The following WDR35 variants were observed in gnomAD, a reference collection of about 807,000 sequenced individuals.
WDR35 encodes WD repeat-containing protein 35.
WDR35 carries 118 observed loss-of-function variants against 158.3 expected under a neutral mutation model. The observed-to-expected ratio is 0.75, with a 90% CI of 0.64 to 0.87. The LOEUF is 0.87. WDR35 is among the 40% of genes least tolerant of loss of function. WDR35 has a pLI of 0.00. For missense variants in WDR35, 1,263 were observed against 1,405.8 expected, an observed-to-expected ratio of 0.90 and a Z score of 1.62; for synonymous variants, 448 against 476.1, an observed-to-expected ratio of 0.94 and a Z score of 0.77.
rs573064702 is a variant in WDR35 at position 19,911,617 on chromosome 2, A to C, written c.*1941T>G. On this transcript the variant is annotated 3_prime_UTR_variant, in exon 27 of 27. Coordinates refer to ENST00000281405, the MANE Select transcript of WDR35 (RefSeq NM_020779.4). ...AGAAAGCTGGAATTCATTGTGTTAC[A>C]TTTAGGTAAGTAAGTTAGTAACCTA... The C allele has an allele frequency of 6.6e-6, 1 of 152,364 alleles. No individual in the cohort carries two copies. Among genetic ancestry groups the C allele is most frequent in the Non-Finnish European group, 1.5e-5 (1 of 68,032 alleles). 9.4% of individuals were successfully genotyped at this position (152,364 alleles called of 1,614,324 possible). A position where few individuals can be genotyped will look rare whatever the true frequency, so the allele number is the denominator to read the frequency against.
chr2:19,988,029 T>C (rs1572374196), intron 2 of WDR35, among the ~76,000 whole-genome samples: 2 of 152,120 alleles, frequency 1.3e-5, no homozygotes, highest in Non-Finnish European at 2.9e-5. Context: ...CTTTAATTGG[T>C]ACTCTTCTTT....
At chr2:19,974,423 A>G in intron 7 of WDR35, 45 bp downstream of exon 7, 1 of 1,509,978 alleles carries the variant, frequency 6.6e-7, no homozygotes, top group Non-Finnish European at 8.9e-7. Flanking sequence ...AGAAAAAAAA[A>G]AAAATAGAAA....
At position 19,946,517 on chromosome 2, in the gene WDR35, A is replaced by T; in HGVS notation, c.1578T>A (p.Ile526=). 9.3e-6 allele frequency: 15 copies of T among 1,613,728 alleles called. No homozygotes were observed. The highest frequency in any genetic ancestry group is 1.3e-5 in the Non-Finnish European group (15 of 1,179,752). Residue 526 remains isoleucine, a synonymous_variant, in exon 15 of 27, where the codon ATT becomes ATA. Coordinates refer to ENST00000281405, the MANE Select transcript of WDR35 (RefSeq NM_020779.4). The part of the protein sequence containing the change: ...QRYSLPNVGL[I]QKYSLNCRAY... ...CTCGACAATTAAGGGAATATTTTTG[A>T]ATCAAACCAACATTAGGTAGACTGT... is the stretch of plus-strand genomic sequence containing the variant.
chr2:19,932,621 T>A (rs1670560063), intron 22 of WDR35, among the ~76,000 whole-genome samples, 174 bp from the exon 23 acceptor site: 1 of 152,166 alleles, frequency 6.6e-6, no homozygotes, highest in Non-Finnish European at 1.5e-5. Flanking sequence ...TAAGCATAAG[T>A]CAAAATGATT....
At chr2:19,967,428 T>A (rs1671892915) in intron 9 of WDR35, among the ~76,000 whole-genome samples, 1 of 152,154 alleles carries the variant, frequency 6.6e-6, no homozygotes. Context: ...ATTTCCTCTC[T>A]CTAGAATGGT....
intron 10 of WDR35, among the ~76,000 whole-genome samples, chr2:19,962,894 A>G (rs1340857171): frequency 1.3e-5 from 2 of 152,186 alleles, no homozygotes; most frequent in Non-Finnish European, 2.9e-5. Context: ...CATTTTTATC[A>G]GTTATACATG....
intron 17 of WDR35, among the ~76,000 whole-genome samples, chr2:19,939,874 T>G (rs1239689371): frequency 6.6e-6 from 1 of 151,998 alleles, no homozygotes; most frequent in Non-Finnish European, 1.5e-5. Context: ...AGAAGCTCAC[T>G]CTTTATCAAA....
At chr2:19,971,207 T>A (rs1672025275) in intron 8 of WDR35, among the ~76,000 whole-genome samples, 1 of 152,202 alleles carries the variant, frequency 6.6e-6, no homozygotes, top group African/African-American at 2.4e-5. Flanking sequence ...TTTACTGGTA[T>A]CCCTTGTTCT....
rs1670608072 is a variant in WDR35 at position 19,934,011 on chromosome 2, G to A, written c.2548-500C>T. Among the ~76,000 whole-genome samples the A allele has an allele frequency of 6.8e-6, 1 of 147,758 alleles. No homozygotes were observed. On this transcript the variant is annotated intron_variant, in intron 21 of 26. Coordinates refer to ENST00000281405, the MANE Select transcript of WDR35 (RefSeq NM_020779.4). The surrounding 1 kb of genome is among the most constrained non-coding windows in gnomAD (Gnocchi z 4.6). Reference sequence around the variant, plus strand: ...AAACAGAGCTCTCTTGGAAAGTGGTGGCAGCGAGGAAGAACCACCACCACC... The same window carrying A: ...AAACAGAGCTCTCTTGGAAAGTGGTAGCAGCGAGGAAGAACCACCACCACC...
At chr2:19,972,816 T>C (rs978696101) in intron 8 of WDR35, among the ~76,000 whole-genome samples, 1 of 152,000 alleles carries the variant, frequency 6.6e-6, no homozygotes, top group Admixed American at 6.6e-5. Flanking sequence ...GCCAACAGGG[T>C]ATTCAAAAGG....
chr2:19,987,590 G>A (rs1046499347), intron 2 of WDR35, among the ~76,000 whole-genome samples: 5 of 151,948 alleles, frequency 3.3e-5, no homozygotes, highest in African/African-American at 7.3e-5. Context: ...TAGGGAGGCC[G>A]AGGTGGGTAG....
intron 4 of WDR35, 60 bp from the exon 5 acceptor site, chr2:19,978,939 T>A: frequency 6.2e-7 from 1 of 1,602,274 alleles, no homozygotes; most frequent in Admixed American, 1.7e-5. Context: ...AAATAGTAGT[T>A]AAGAATTGAA....
chr2:19,970,589 T>A (rs1250914203), intron 8 of WDR35, among the ~76,000 whole-genome samples: 1 of 152,200 alleles, frequency 6.6e-6, no homozygotes. Flanking sequence ...AATCAGTAAA[T>A]CCCCACCATC....
rs376284452 is a variant in WDR35, at chr2:19,930,533, C to A, written c.2984G>T (p.Gly995Val). 1.7e-5 allele frequency: 27 copies of A among 1,613,996 alleles called. No individual in the cohort carries two copies. Among genetic ancestry groups the A allele is most frequent in the Admixed American group, 3.3e-5 (2 of 59,990 alleles). ...AGACAGAACTTCTTCTTCCAGCAAACCAGCCAAGGCAGAAGTGGCCTACGA... is the reference window on the plus strand; with the variant it reads ...AGACAGAACTTCTTCTTCCAGCAAAACAGCCAAGGCAGAAGTGGCCTACGA... ...KSSEATSALAGLLEEEVLSTT... is the reference protein window; with the variant it reads ...KSSEATSALAVLLEEEVLSTT... Residue 995 changes from glycine to valine, a missense_variant, in exon 25 of 27, where the codon GGT becomes GTT. Coordinates refer to ENST00000281405, the MANE Select transcript of WDR35 (RefSeq NM_020779.4).
intron 8 of WDR35, among the ~76,000 whole-genome samples, chr2:19,970,802 G>C (rs1672014841): frequency 6.6e-6 from 1 of 151,946 alleles, no homozygotes; most frequent in South Asian, 2.1e-4. Flanking sequence ...ATCCTTACTG[G>C]TCCTTGTCCT....
intron 5 of WDR35, among the ~76,000 whole-genome samples, chr2:19,977,532 G>T (rs1159902435): frequency 6.6e-6 from 1 of 152,128 alleles, no homozygotes; most frequent in Non-Finnish European, 1.5e-5. Flanking sequence ...TTACCTGGAT[G>T]GCTACCATCC....
At position 19,974,540 on chromosome 2, in the gene WDR35, G is replaced by C. The variant is rs1553322982; in HGVS notation, c.664C>G (p.Pro222Ala). 2.5e-6 allele frequency: 4 copies of C among 1,612,860 alleles called. No homozygotes were observed. The highest frequency in any genetic ancestry group is 1.7e-6 in the Non-Finnish European group (2 of 1,179,300). ...WYHGTEGYVEPDCPCLAVCFD... is the reference protein window; with the variant it reads ...WYHGTEGYVEADCPCLAVCFD... ...CAAACAGCAAGGCAAGGGCAATCAG[G>C]CTCCACGTAGCCTTCTGTGCCATGG... Residue 222 changes from proline to alanine, a missense_variant, in exon 7 of 27, where the codon CCT becomes GCT. Physicochemically the swap from Pro to Ala is conservative, Grantham distance 27. Coordinates refer to ENST00000281405, the MANE Select transcript of WDR35 (RefSeq NM_020779.4).
intron 25 of WDR35, among the ~76,000 whole-genome samples, chr2:19,923,167 T>C (rs1670232170): frequency 6.6e-6 from 1 of 152,192 alleles, no homozygotes; most frequent in Admixed American, 6.5e-5. Flanking sequence ...GACCCCTGAT[T>C]TCCCACTTCA....
At chr2:19,962,190 A>G (rs1364661930) in intron 10 of WDR35, 1 of 1,192,064 alleles carries the variant, frequency 8.4e-7, no homozygotes, top group African/African-American at 1.5e-5. Flanking sequence ...TTTTCCATGA[A>G]CCTTCTGAAG....
Sources: gnomAD v4.1 joint callset for allele counts (sites outside exome capture counted in the v4.1 genomes callset) on GRCh38, gnomAD v4.1.1 for gene constraint, Gnocchi (gnomAD v3.1) non-coding constraint, MANE v1.5 for transcripts, NCBI Gene and HGNC (gene_info 2026-07-23, HGNC 2026-07-21) for gene names.